IL1RAPL2: variants seen among roughly 807,000 people sequenced by gnomAD.
The protein encoded by IL1RAPL2 is X-linked interleukin-1 receptor accessory protein-like 2.
A neutral mutation model predicts 44.1 loss-of-function variants in IL1RAPL2; 3 were observed. That is an observed-to-expected ratio of 0.07 (90% CI 0.03 to 0.18). The LOEUF (loss-of-function observed/expected upper bound fraction) is 0.18, where lower values mean the gene tolerates loss of function less well. Ranked by LOEUF, IL1RAPL2 falls within the 10% of genes least tolerant of loss-of-function variation. The probability of loss-of-function intolerance (pLI) is 1.00; values close to 1 mark genes in which losing one functional copy is unlikely to be tolerated. For synonymous variants in IL1RAPL2, 181 were observed against 178.8 expected (o/e 1.01, Z -0.10); for missense variants, 391 against 496.4 (o/e 0.79, Z 2.02).
intron 2 of IL1RAPL2, among the ~76,000 whole-genome samples, chrX:105,182,436 G>T (rs970940440): frequency 5.4e-5 from 6 of 111,397 alleles, no homozygotes; most frequent in African/African-American, 2.0e-4. Context: ...TGTTTTATAT[G>T]ATGAAAATGC....
chrX:104,994,151 A>G (rs2030710097), intron 2 of IL1RAPL2, among the ~76,000 whole-genome samples: 1 of 112,095 alleles, frequency 8.9e-6, no homozygotes, highest in African/African-American at 3.2e-5. Flanking sequence ...ATTTCTATCA[A>G]CAGGTTAATG....
At chrX:105,554,042 T>C (rs2036878945) in intron 6 of IL1RAPL2, among the ~76,000 whole-genome samples, 1 of 112,849 alleles carries the variant, frequency 8.9e-6, no homozygotes, top group African/African-American at 3.2e-5. Flanking sequence ...TCTGGTGTTA[T>C]GTCTTACCTC....
At chrX:105,179,732 AT>A (rs201089322) in intron 2 of IL1RAPL2, among the ~76,000 whole-genome samples, 2,879 of 84,279 alleles carry the variant, frequency 0.034, 92 homozygotes, top group African/African-American at 0.092. Context: ...ATTCCTAGGT[AT>A]TTTTTTTTTT....
chrX:105,412,632 G>A (rs1390672163), intron 5 of IL1RAPL2, among the ~76,000 whole-genome samples: 1 of 110,996 alleles, frequency 9.0e-6, no homozygotes, highest in Non-Finnish European at 1.9e-5. Flanking sequence ...AAGAAGTTCT[G>A]GTGACAATGC....
At chrX:105,078,915 C>G (rs1211448218) in intron 2 of IL1RAPL2, among the ~76,000 whole-genome samples, 1 of 112,137 alleles carries the variant, frequency 8.9e-6, no homozygotes, top group Admixed American at 9.4e-5. Context: ...ACCCGATTTT[C>G]CAGGTGCCCT....
rs188581086 is a variant in IL1RAPL2, at chrX:105,271,455, G to A, written c.697+3914G>A. Among the ~76,000 whole-genome samples, 20 of 111,398 alleles carry A rather than the reference G, an allele frequency of 1.8e-4. No homozygotes were observed. The East Asian group carries it at 4.8e-3, about 27-fold the overall frequency. On this transcript the variant is annotated intron_variant, in intron 5 of 10. Transcript: ENST00000372582. ...TTTTCTTTATTCTCATGTTGAATTT[G>A]TGCGGAGGGTTAATTGAAGTGAAAA...
rs773742996 is a variant in IL1RAPL2, at chrX:105,127,799, A to G, written c.83-67676A>G. Reference sequence around the variant, plus strand: ...ACCTTTAACAGTATTTCACAAGGAAAATGCAAACAAACTAAAATGCTTCAG... The same window carrying G: ...ACCTTTAACAGTATTTCACAAGGAAGATGCAAACAAACTAAAATGCTTCAG... On this transcript the variant is annotated intron_variant, in intron 2 of 10. Transcript: ENST00000372582. Among the ~76,000 whole-genome samples, 10 of 111,299 alleles carry G rather than the reference A, an allele frequency of 9.0e-5. No individual in the cohort carries two copies. In the South Asian group the frequency reaches 3.3e-3, roughly 37 times the overall value.
intron 2 of IL1RAPL2, among the ~76,000 whole-genome samples, chrX:105,084,011 T>C (rs1267721749): frequency 8.9e-6 from 1 of 112,352 alleles, no homozygotes; most frequent in African/African-American, 3.2e-5. Flanking sequence ...AACTTCCACA[T>C]GGTGTTGGGC....
intron 5 of IL1RAPL2, among the ~76,000 whole-genome samples, chrX:105,377,911 CTA>C (rs2035400355): frequency 9.0e-6 from 1 of 111,419 alleles, no homozygotes; most frequent in Non-Finnish European, 1.9e-5. Flanking sequence ...CATTTGAAGA[CTA>C]TGAAAACGCT....
At chrX:104,685,237 CT>C (rs917392117) in intron 2 of IL1RAPL2, among the ~76,000 whole-genome samples, 8 of 112,200 alleles carry the variant, frequency 7.1e-5, no homozygotes, top group East Asian at 2.8e-4. Context: ...GGCATTACCC[CT>C]ATCCTCTTCT....
intron 2 of IL1RAPL2, among the ~76,000 whole-genome samples, chrX:104,847,148 G>C (rs1398098455): frequency 1.8e-5 from 2 of 111,777 alleles, no homozygotes; most frequent in Admixed American, 9.5e-5. Flanking sequence ...TAGGTTGCCT[G>C]TTCACTCTGA....
intron 2 of IL1RAPL2, among the ~76,000 whole-genome samples, chrX:104,661,851 CT>C (rs1486167722): frequency 9.0e-6 from 1 of 111,639 alleles, no homozygotes; most frequent in Non-Finnish European, 1.9e-5. Context: ...TTTTTTTCCC[CT>C]CTTCCCTTCC....
intron 6 of IL1RAPL2, among the ~76,000 whole-genome samples, chrX:105,518,625 G>C (rs960919343): frequency 8.1e-5 from 9 of 111,611 alleles, no homozygotes; most frequent in African/African-American, 2.9e-4. Flanking sequence ...GAAGAAAAGA[G>C]ATTTATCTTC....
intron 2 of IL1RAPL2, among the ~76,000 whole-genome samples, chrX:104,944,120 T>A (rs1184316507): frequency 9.0e-6 from 1 of 111,514 alleles, no homozygotes. Flanking sequence ...AATCACCAAG[T>A]AGCTGTTCTT....
At chrX:105,298,408 G>A (rs2034670788) in intron 5 of IL1RAPL2, among the ~76,000 whole-genome samples, 1 of 110,645 alleles carries the variant, frequency 9.0e-6, no homozygotes, top group Non-Finnish European at 1.9e-5. Context: ...TAGGAAAAGC[G>A]GGAATTAGAG....
At chrX:105,298,274 A>C (rs1424761121) in intron 5 of IL1RAPL2, among the ~76,000 whole-genome samples, 1 of 111,988 alleles carries the variant, frequency 8.9e-6, no homozygotes, top group African/African-American at 3.2e-5. Flanking sequence ...TTAACGAGCA[A>C]GGAGATGTTG....
chrX:105,127,969 T>C (rs779888650), intron 2 of IL1RAPL2, among the ~76,000 whole-genome samples: 2 of 111,055 alleles, frequency 1.8e-5, no homozygotes, highest in Non-Finnish European at 3.8e-5. Flanking sequence ...ATGTGGGAAA[T>C]TTTATAATAC....
At chrX:104,891,112 T>C (rs926654018) in intron 2 of IL1RAPL2, among the ~76,000 whole-genome samples, 1 of 111,495 alleles carries the variant, frequency 9.0e-6, no homozygotes, top group Admixed American at 9.5e-5. Flanking sequence ...TGGTTGTATA[T>C]GTGTGGTATT....
intron 2 of IL1RAPL2, among the ~76,000 whole-genome samples, chrX:104,954,474 A>G (rs1423272793): frequency 8.9e-6 from 1 of 112,587 alleles, no homozygotes; most frequent in Non-Finnish European, 1.9e-5. Context: ...GGCAAGACAG[A>G]TATTACACTA....
Sources: gnomAD v4.1 joint callset for allele counts (sites outside exome capture counted in the v4.1 genomes callset) on GRCh38, gnomAD v4.1.1 for gene constraint, MANE v1.5 for transcripts, NCBI Gene and HGNC (gene_info 2026-07-23, HGNC 2026-07-21) for gene names.